FHIT: variants seen among roughly 807,000 people sequenced by gnomAD.
FHIT encodes bis(5'-adenosyl)-triphosphatase.
In FHIT, 19 loss-of-function variants were observed where a neutral mutation model predicts 17.9. The ratio of observed to expected loss-of-function variants is 1.06; its 90% CI spans 0.74 to 1.56. The LOEUF (loss-of-function observed/expected upper bound fraction) is 1.56, where lower values mean the gene tolerates loss of function less well. Ranked by LOEUF, FHIT falls within the 40% of genes most tolerant of loss-of-function variation. The pLI, the probability that FHIT is intolerant of heterozygous loss-of-function variation, is 0.00. For missense variants in FHIT, 248 were observed against 189.2 expected (o/e 1.31, Z -1.82); for synonymous variants, 81 against 69.7 (o/e 1.16, Z -0.81).
chr3:60,423,158 C>G (rs928199271), intron 5 of FHIT, among the ~76,000 whole-genome samples: 4 of 152,022 alleles, frequency 2.6e-5, no homozygotes, highest in African/African-American at 9.7e-5. Context: ...GAATTAAGCA[C>G]TATAGATGGT....
chr3:60,082,746 A>T (rs1387571125), intron 5 of FHIT, among the ~76,000 whole-genome samples: 6 of 151,888 alleles, frequency 4.0e-5, no homozygotes. Flanking sequence ...GCATTTTTTC[A>T]TGTTTGTTTG....
rs1379304944 is a variant in FHIT, at chr3:60,429,815, G to A, written c.103+107045C>T. On this transcript the variant is annotated intron_variant, in intron 5 of 9. Coordinates refer to ENST00000492590, the MANE Select transcript of FHIT (RefSeq NM_002012.4). ...AAATATCAATATACTCACTGTATAGGTGTGGAAGCATAGGTACTAAGAGGC... is the reference window on the plus strand; with the variant it reads ...AAATATCAATATACTCACTGTATAGATGTGGAAGCATAGGTACTAAGAGGC... Among the ~76,000 whole-genome samples the A allele has an allele frequency of 2.0e-5, 3 of 152,182 alleles. No individual in the cohort carries two copies. The East Asian group carries it at 5.8e-4, about 29-fold the overall frequency.
intron 7 of FHIT, among the ~76,000 whole-genome samples, chr3:59,930,894 T>C (rs1336004350): frequency 1.3e-5 from 2 of 152,072 alleles, no homozygotes; most frequent in African/African-American, 2.4e-5. Flanking sequence ...AACCTACCTT[T>C]CCCAGATCTC....
At chr3:60,420,645 C>G (rs1364843672) in intron 5 of FHIT, among the ~76,000 whole-genome samples, 1 of 152,104 alleles carries the variant, frequency 6.6e-6, no homozygotes, top group East Asian at 1.9e-4. Flanking sequence ...TTCCTTTTTA[C>G]TGGCTATTTC....
chr3:60,212,811 A>T (rs1036344412), intron 5 of FHIT, among the ~76,000 whole-genome samples: 5 of 152,190 alleles, frequency 3.3e-5, no homozygotes, highest in African/African-American at 1.2e-4. Flanking sequence ...TTCAGAATAG[A>T]CAAAGAAAAA....
At chr3:60,122,390 T>C (rs187562918) in intron 5 of FHIT, among the ~76,000 whole-genome samples, 21 of 152,074 alleles carry the variant, frequency 1.4e-4, no homozygotes, top group Admixed American at 1.1e-3. Context: ...GTTCATGAAA[T>C]AAAACTAGGA....
chr3:59,956,205 C>T (rs1241133599), intron 7 of FHIT, among the ~76,000 whole-genome samples: 1 of 152,076 alleles, frequency 6.6e-6, no homozygotes, highest in Non-Finnish European at 1.5e-5. Flanking sequence ...TGGTTAAAAG[C>T]CCCAGCTCTG....
At chr3:60,547,530 T>A (rs2036407618) in intron 4 of FHIT, among the ~76,000 whole-genome samples, 1 of 152,192 alleles carries the variant, frequency 6.6e-6, no homozygotes, top group African/African-American at 2.4e-5. Flanking sequence ...TATTTGGGAC[T>A]AAAAATATAT....
At chr3:60,381,995 T>A (rs901868151) in intron 5 of FHIT, among the ~76,000 whole-genome samples, 1 of 152,212 alleles carries the variant, frequency 6.6e-6, no homozygotes, top group African/African-American at 2.4e-5. Flanking sequence ...TTCCATTCCT[T>A]AGCCACATTT....
At chr3:60,282,697 G>T (rs993913467) in intron 5 of FHIT, among the ~76,000 whole-genome samples, 1 of 152,238 alleles carries the variant, frequency 6.6e-6, no homozygotes, top group African/African-American at 2.4e-5. Flanking sequence ...TGGCGACACG[G>T]AAGGAAAATG....
At chr3:60,773,259 A>G (rs540441655) in intron 4 of FHIT, among the ~76,000 whole-genome samples, 3 of 152,226 alleles carry the variant, frequency 2.0e-5, no homozygotes, top group Non-Finnish European at 4.4e-5. Context: ...ACACATCGAA[A>G]CAGTTAAAAC....
intron 8 of FHIT, among the ~76,000 whole-genome samples, chr3:59,879,736 AC>A (rs1422549707): frequency 2.4e-4 from 37 of 152,210 alleles, no homozygotes; most frequent in Admixed American, 6.5e-4. Context: ...TGGGATAATC[AC>A]AGCAATTGCT....
chr3:60,736,043 A>T (rs114996799), intron 4 of FHIT, among the ~76,000 whole-genome samples: 17 of 152,298 alleles, frequency 1.1e-4, no homozygotes, highest in African/African-American at 4.1e-4. Flanking sequence ...CACATGAAAA[A>T]ACTGTTGAAC....
chr3:60,088,319 A>T (rs1461355894), intron 5 of FHIT, among the ~76,000 whole-genome samples: 1 of 152,214 alleles, frequency 6.6e-6, no homozygotes, highest in Non-Finnish European at 1.5e-5. Context: ...AAACAAATCA[A>T]GCATGATCCT....
At chr3:59,851,969 A>G (rs1363909958) in intron 8 of FHIT, among the ~76,000 whole-genome samples, 7 of 152,226 alleles carry the variant, frequency 4.6e-5, no homozygotes, top group African/African-American at 1.7e-4. Context: ...CTTGCTCTAA[A>G]ACACATTCCT....
chr3:60,383,569 C>T (rs750240010), intron 5 of FHIT, among the ~76,000 whole-genome samples: 4 of 151,904 alleles, frequency 2.6e-5, no homozygotes, highest in African/African-American at 7.3e-5. Context: ...ATGTCAACAA[C>T]GCCAAGGTGA....
At chr3:60,088,468 A>G (rs1330536811) in intron 5 of FHIT, among the ~76,000 whole-genome samples, 1 of 152,154 alleles carries the variant, frequency 6.6e-6, no homozygotes, top group African/African-American at 2.4e-5. Context: ...TTCATGCATA[A>G]AGTGCTATTC....
chr3:60,968,861 AT>A (rs1221214831), intron 3 of FHIT, among the ~76,000 whole-genome samples: 2 of 152,198 alleles, frequency 1.3e-5, no homozygotes, highest in Non-Finnish European at 2.9e-5. Flanking sequence ...CTCTATTAAT[AT>A]GGTAAGTTGC....
At chr3:60,494,254 C>T (rs964248556) in intron 5 of FHIT, among the ~76,000 whole-genome samples, 1 of 152,196 alleles carries the variant, frequency 6.6e-6, no homozygotes, top group African/African-American at 2.4e-5. Flanking sequence ...AATCTGCTAC[C>T]TCTATGACTT....
Sources: gnomAD v4.1 joint callset for allele counts (sites outside exome capture counted in the v4.1 genomes callset) on GRCh38, gnomAD v4.1.1 for gene constraint, MANE v1.5 for transcripts, NCBI Gene and HGNC (gene_info 2026-07-23, HGNC 2026-07-21) for gene names.